SLIT2: variants seen among roughly 807,000 people sequenced by gnomAD.
SLIT2 encodes slit homolog 2 protein.
A neutral mutation model predicts 185.7 loss-of-function variants in SLIT2; 41 were observed. The observed-to-expected ratio is 0.22, with a 90% confidence interval of 0.17 to 0.29. The LOEUF (loss-of-function observed/expected upper bound fraction) is 0.29. Among genes scored for constraint, SLIT2 ranks in the 10% least tolerant of loss-of-function variants. The pLI is 1.00. For synonymous variants in SLIT2, 693 were observed against 680.2 expected (o/e 1.02, Z -0.29); for missense variants, 1,571 against 1,909.0 (o/e 0.82, Z 3.30).
intron 4 of SLIT2, among the ~76,000 whole-genome samples, chr4:20,432,026 T>TGAGA (rs55876105): frequency 1.3e-5 from 2 of 149,666 alleles, no homozygotes; most frequent in Non-Finnish European, 3.0e-5. Flanking sequence ...CTTGTGTGTG[T>TGAGA]GAGAGAGAGA....
At chr4:20,585,689 A>T (rs1378098226) in intron 29 of SLIT2, among the ~76,000 whole-genome samples, 1 of 152,218 alleles carries the variant, frequency 6.6e-6, no homozygotes, top group Non-Finnish European at 1.5e-5. Context: ...CTAACTCTGT[A>T]TAGTCGAATA....
intron 34 of SLIT2, chr4:20,615,755 C>T (rs1464706906): frequency 6.6e-6 from 1 of 152,240 alleles, no homozygotes; most frequent in Non-Finnish European, 1.5e-5. Context: ...GAGTGTGCTA[C>T]AGTTCTTGGT....
At chr4:20,268,950 C>A in intron 4 of SLIT2, 69 bp downstream of exon 4, 2 of 961,724 alleles carry the variant, frequency 2.1e-6, no homozygotes, top group Non-Finnish European at 3.4e-6. Flanking sequence ...TATTTTGGAT[C>A]TGTTTGTGTG....
chr4:20,472,557 T>TATATATCG (rs1560455143), intron 5 of SLIT2, among the ~76,000 whole-genome samples: 412 of 24,464 alleles, frequency 0.017, 126 homozygotes, highest in African/African-American at 0.026. Context: ...TATATATAGA[T>TATATATCG]ATATATCTAT....
At chr4:20,601,769 G>A (rs17543805) in intron 33 of SLIT2, among the ~76,000 whole-genome samples, 3,114 of 152,204 alleles carry the variant, frequency 0.02, 48 homozygotes, top group South Asian at 0.076. Flanking sequence ...TGTCCCATTA[G>A]TTGCTAATAA....
chr4:20,447,501 T>G (rs1039406537), intron 4 of SLIT2, among the ~76,000 whole-genome samples: 2 of 152,252 alleles, frequency 1.3e-5, no homozygotes, highest in Non-Finnish European at 2.9e-5. Context: ...ATTGCTCTCC[T>G]TTGAATTTTA....
At chr4:20,506,452 A>G (rs1231576222) in intron 9 of SLIT2, among the ~76,000 whole-genome samples, 5 of 152,000 alleles carry the variant, frequency 3.3e-5, no homozygotes, top group Non-Finnish European at 5.9e-5. Context: ...AGCAGCTTCT[A>G]TGCTATTAAA....
intron 4 of SLIT2, among the ~76,000 whole-genome samples, chr4:20,461,963 A>G (rs1484014084): frequency 6.6e-6 from 1 of 152,148 alleles, no homozygotes; most frequent in Non-Finnish European, 1.5e-5. Context: ...GCAGTGGAGA[A>G]TGGAGAAAGG....
intron 26 of SLIT2, among the ~76,000 whole-genome samples, chr4:20,561,312 A>G (rs1724670067): frequency 6.6e-6 from 1 of 151,820 alleles, no homozygotes; most frequent in Admixed American, 6.6e-5. Flanking sequence ...CTAATTTTAT[A>G]TGTTAGGAAT....
At position 20,349,740 on chromosome 4, in the gene SLIT2, T is replaced by A. The variant is rs147318254; in HGVS notation, c.395+80859T>A. 5.1e-3 allele frequency among the ~76,000 whole-genome samples: 772 copies of A among 152,308 alleles called. 5 individuals are homozygous for A. The highest frequency in any genetic ancestry group is 5.8e-3 in the Admixed American group (89 of 15,302). ...TTCTTATTAGACATCTTTGTAGAGATGTAGAATAAAATGTTGACCCTATGG... is the reference window on the plus strand; with the variant it reads ...TTCTTATTAGACATCTTTGTAGAGAAGTAGAATAAAATGTTGACCCTATGG... On this transcript the variant is annotated intron_variant, in intron 4 of 36. Transcript: ENST00000504154.
intron 7 of SLIT2, among the ~76,000 whole-genome samples, chr4:20,487,089 T>C (rs1346055775): frequency 6.6e-6 from 1 of 152,154 alleles, no homozygotes; most frequent in African/African-American, 2.4e-5. Flanking sequence ...CTGGAAAATA[T>C]TAATTTTATT....
chr4:20,617,357 TCCTC>T, intron 35 of SLIT2, 78 bp from the exon 36 acceptor site: 7 of 1,436,114 alleles, frequency 4.9e-6, no homozygotes, highest in Non-Finnish European at 6.7e-6. Context: ...TTCTCAATCA[TCCTC>T]CATTCTTATA....
intron 3 of SLIT2, among the ~76,000 whole-genome samples, chr4:20,265,995 A>G (rs1358866943): frequency 4.6e-5 from 7 of 151,956 alleles, no homozygotes; most frequent in Admixed American, 3.9e-4. Context: ...TCTCCAGAAC[A>G]GCAGTGAGAA....
chr4:20,485,890 T>G (rs995155182), intron 6 of SLIT2, among the ~76,000 whole-genome samples: 1 of 152,230 alleles, frequency 6.6e-6, no homozygotes, highest in African/African-American at 2.4e-5. Context: ...ATCCCGTGTT[T>G]ATTTCTTAAC....
At chr4:20,438,324 A>C (rs1225215338) in intron 4 of SLIT2, among the ~76,000 whole-genome samples, 1 of 152,220 alleles carries the variant, frequency 6.6e-6, no homozygotes, top group African/African-American at 2.4e-5. Context: ...ACAGTTCCAC[A>C]TGGCTGGGGA....
intron 4 of SLIT2, among the ~76,000 whole-genome samples, chr4:20,420,543 A>G (rs936897058): frequency 2.6e-5 from 4 of 152,128 alleles, no homozygotes; most frequent in Non-Finnish European, 5.9e-5. Flanking sequence ...GCCTAATTTT[A>G]TCCTTGTAGA....
At chr4:20,600,413 A>ATTTTTT (rs1281627568) in intron 33 of SLIT2, among the ~76,000 whole-genome samples, 1 of 89,500 alleles carries the variant, frequency 1.1e-5, no homozygotes, top group African/African-American at 5.6e-5. Flanking sequence ...ATTATGTTGC[A>ATTTTTT]TTTTTTTTTT....
intron 6 of SLIT2, among the ~76,000 whole-genome samples, chr4:20,481,198 C>A (rs546855150): frequency 6.6e-6 from 1 of 152,196 alleles, no homozygotes; most frequent in South Asian, 2.1e-4. Flanking sequence ...TTTTAACCAG[C>A]TGATTTAACA....
intron 4 of SLIT2, among the ~76,000 whole-genome samples, chr4:20,390,176 C>A (rs952317047): frequency 6.6e-6 from 1 of 152,020 alleles, no homozygotes; most frequent in South Asian, 2.1e-4. Context: ...AGTCTTGCTG[C>A]ATCAGAATAC....
Sources: allele counts gnomAD v4.1 joint callset (sites outside exome capture counted in the v4.1 genomes callset), GRCh38; gene constraint gnomAD v4.1.1; transcripts MANE v1.5; gene names NCBI Gene and HGNC (gene_info 2026-07-23, HGNC 2026-07-21).